ROR2: variants seen among roughly 807,000 people sequenced by gnomAD.
ROR2 encodes the protein tyrosine-protein kinase transmembrane receptor ROR2.
ROR2 carries 33 observed loss-of-function variants against 74.9 expected under a neutral mutation model. The ratio of observed to expected loss-of-function variants is 0.44; its 90% confidence interval spans 0.33 to 0.59. ROR2 has a LOEUF of 0.59. ROR2 is among the 20% of genes least tolerant of loss of function. The pLI is 0.02. For missense variants in ROR2, 1,216 were observed against 1,313.8 expected, an observed-to-expected ratio of 0.93 and a Z score of 1.15; for synonymous variants, 586 against 558.7, an observed-to-expected ratio of 1.05 and a Z score of -0.69.
chr9:91,849,192 A>G (rs1335194896), intron 1 of ROR2, among the ~76,000 whole-genome samples: 1 of 152,200 alleles, frequency 6.6e-6, no homozygotes, highest in Non-Finnish European at 1.5e-5. Flanking sequence ...CAAGAGAATC[A>G]CAGGAAATGT....
At chr9:91,900,732 TAA>T (rs1210659865) in intron 1 of ROR2, among the ~76,000 whole-genome samples, 1 of 152,168 alleles carries the variant, frequency 6.6e-6, no homozygotes, top group Non-Finnish European at 1.5e-5. Context: ...ACCACAGGCT[TAA>T]AAGTCCTTCA....
chr9:91,932,366 TA>T (rs1198449869), intron 1 of ROR2, among the ~76,000 whole-genome samples: 4 of 151,518 alleles, frequency 2.6e-5, no homozygotes, highest in African/African-American at 9.7e-5. Flanking sequence ...ACAAATATCA[TA>T]AAAAAAATCA....
At chr9:91,947,128 A>T (rs1251805656) in intron 1 of ROR2, among the ~76,000 whole-genome samples, 1 of 152,248 alleles carries the variant, frequency 6.6e-6, no homozygotes, top group East Asian at 1.9e-4. Context: ...ATTGCCTTAA[A>T]AATCTGCAGA....
chr9:91,900,428 C>T (rs1830646215), intron 1 of ROR2, among the ~76,000 whole-genome samples: 1 of 152,230 alleles, frequency 6.6e-6, no homozygotes. Context: ...ACGGTGGCGG[C>T]GCGGGGCAAT....
chr9:91,739,671 C>T (rs1825153573), intron 4 of ROR2, among the ~76,000 whole-genome samples: 1 of 152,190 alleles, frequency 6.6e-6, no homozygotes, highest in African/African-American at 2.4e-5. Flanking sequence ...AGAACAGAAC[C>T]TGGAGCTATA....
At chr9:91,757,147 G>A in intron 3 of ROR2, 125 bp downstream of exon 3, 8 of 1,251,792 alleles carry the variant, frequency 6.4e-6, no homozygotes, top group Middle Eastern at 1.9e-4. Flanking sequence ...CCTAGGGAAC[G>A]GTTTCATTGC....
chr9:91,816,424 A>T (rs1261461405), intron 1 of ROR2, among the ~76,000 whole-genome samples: 1 of 152,138 alleles, frequency 6.6e-6, no homozygotes. Context: ...CCACAAGAGT[A>T]GCCCCCTTTC....
At chr9:91,848,899 T>C (rs1272913599) in intron 1 of ROR2, among the ~76,000 whole-genome samples, 1 of 152,096 alleles carries the variant, frequency 6.6e-6, no homozygotes, top group African/African-American at 2.4e-5. Flanking sequence ...ATACACATTC[T>C]AGTGTTTGGA....
rs1179345834 is a variant in ROR2 at position 91,733,060 on chromosome 9, C to T, written c.937+62G>A. ...TGGGCTTCACCGACACCCCCATACACATTTCAAGGGCCCTACACTCCCTGC... is the reference window on the plus strand; with the variant it reads ...TGGGCTTCACCGACACCCCCATACATATTTCAAGGGCCCTACACTCCCTGC... On this transcript the variant is annotated intron_variant, in intron 6 of 8. Coordinates refer to ENST00000375708, the MANE Select transcript of ROR2 (RefSeq NM_004560.4). This position sits in a 1 kb window ranked among gnomAD's most constrained non-coding sequence, Gnocchi z 5.7. 4 of 1,477,038 alleles carry T rather than the reference C, an allele frequency of 2.7e-6. No individual in the cohort carries two copies. In the African/African-American group the frequency reaches 4.2e-5, roughly 15 times the overall value. 91.5% of individuals were successfully genotyped at this position (1,477,038 alleles called of 1,614,324 possible).
chr9:91,731,637 G>T (rs1837247179), intron 6 of ROR2, among the ~76,000 whole-genome samples: 1 of 152,198 alleles, frequency 6.6e-6, no homozygotes, highest in South Asian at 2.1e-4. Context: ...TACCATGTGT[G>T]GGGCGCTGCT....
chr9:91,803,406 G>C (rs1827452853), intron 1 of ROR2, among the ~76,000 whole-genome samples: 1 of 152,214 alleles, frequency 6.6e-6, no homozygotes, highest in Non-Finnish European at 1.5e-5. Flanking sequence ...TGGAGGAGGG[G>C]ACAGGGAGTT....
At chr9:91,940,722 T>A (rs1052219586) in intron 1 of ROR2, among the ~76,000 whole-genome samples, 1 of 149,662 alleles carries the variant, frequency 6.7e-6, no homozygotes, top group African/African-American at 2.5e-5. Flanking sequence ...TGTCTCGGCC[T>A]CCCGAGTAGT....
intron 1 of ROR2, among the ~76,000 whole-genome samples, chr9:91,834,553 C>T (rs555012496): frequency 2.0e-5 from 3 of 152,338 alleles, no homozygotes; most frequent in African/African-American, 7.2e-5. Context: ...CCAGTCCCGT[C>T]GTCAGCAGGG....
At chr9:91,876,697 A>T (rs982038258) in intron 1 of ROR2, among the ~76,000 whole-genome samples, 1 of 152,234 alleles carries the variant, frequency 6.6e-6, no homozygotes, top group Non-Finnish European at 1.5e-5. Flanking sequence ...TTCTTAAAAT[A>T]TCATCAGAAT....
chr9:91,739,543 T>C (rs1313104012), intron 4 of ROR2, among the ~76,000 whole-genome samples: 3 of 149,378 alleles, frequency 2.0e-5, no homozygotes, highest in Non-Finnish European at 4.4e-5. Context: ...AAAAAGAATG[T>C]GTTCAGTTTA....
chr9:91,935,417 G>A (rs559385260), intron 1 of ROR2, among the ~76,000 whole-genome samples: 35 of 152,326 alleles, frequency 2.3e-4, no homozygotes, highest in African/African-American at 8.2e-4. Context: ...CTCCCAGGGC[G>A]AGGATGGCAG....
intron 1 of ROR2, among the ~76,000 whole-genome samples, chr9:91,927,405 G>A (rs75057091): frequency 0.016 from 2,503 of 152,182 alleles, 65 homozygotes; most frequent in African/African-American, 0.057. Context: ...ACTAAACACC[G>A]TACACAAACT....
Position 91,730,898 on chromosome 9 carries a change from G to C in ROR2, c.1183+12C>G, listed in dbSNP as rs1489896373. 2.5e-6 allele frequency: 4 copies of C among 1,613,932 alleles called. No individual in the cohort carries two copies. The highest frequency in any genetic ancestry group is 3.4e-6 in the Non-Finnish European group (4 of 1,180,018). ...AATCAACACATTAAAAAAAGAGAGA[G>C]AGAATACATACTACACGAGGGTACG... On this transcript the variant is annotated intron_variant, in intron 7 of 8. Transcript: ENST00000375708.
chr9:91,827,871 T>A (rs1438422555), intron 1 of ROR2, among the ~76,000 whole-genome samples: 1 of 152,270 alleles, frequency 6.6e-6, no homozygotes, highest in Non-Finnish European at 1.5e-5. Flanking sequence ...TTTGTCTCCT[T>A]TGCCTGTTCT....
Sources: gnomAD v4.1 joint callset for allele counts (sites outside exome capture counted in the v4.1 genomes callset) on GRCh38, gnomAD v4.1.1 for gene constraint, Gnocchi (gnomAD v3.1) non-coding constraint, MANE v1.5 for transcripts, NCBI Gene and HGNC (gene_info 2026-07-23, HGNC 2026-07-21) for gene names.